The following NAPEPLD variants were observed in gnomAD, a reference collection of about 807,000 sequenced individuals.
NAPEPLD encodes N-acyl phosphatidylethanolamine phospholipase D.
NAPEPLD carries 23 observed loss-of-function variants against 38.1 expected under a neutral mutation model. The observed-to-expected ratio is 0.60, with a 90% CI of 0.43 to 0.86. The LOEUF is 0.86. NAPEPLD is among the 40% of genes least tolerant of loss of function. NAPEPLD has a pLI of 0.00. For missense variants in NAPEPLD, 411 were observed against 476.8 expected (o/e 0.86, Z 1.28); for synonymous variants, 147 against 162.0 (o/e 0.91, Z 0.71).
intron 2 of NAPEPLD, 120 bp downstream of exon 2, chr7:103,128,363 C>G: frequency 8.4e-7 from 1 of 1,191,470 alleles, no homozygotes; most frequent in Non-Finnish European, 1.2e-6. Context: ...GCCTAGGTTA[C>G]ACCTATCCAC....
chr7:103,103,286 TTACACAAAACATA>T lies in NAPEPLD; in HGVS notation c.*130_*142del. 1 of 1,031,764 alleles carries T rather than the reference TTACACAAAACATA, an allele frequency of 9.7e-7. No homozygotes were observed. 63.9% of individuals were successfully genotyped at this position (1,031,764 alleles called of 1,614,324 possible). A position where few individuals can be genotyped will look rare whatever the true frequency, so the allele number is the denominator to read the frequency against. ...GCTGATCATACTAGGAAGCAAGTTA[TTACACAAAACATA>T]AAACATAAACTTGCAGAAGTTGTTT... On this transcript the variant is annotated 3_prime_UTR_variant, in exon 5 of 5. Transcript: ENST00000465647.
intron 1 of NAPEPLD, among the ~76,000 whole-genome samples, chr7:103,143,831 A>G (rs1298574193): frequency 1.3e-5 from 2 of 152,212 alleles, no homozygotes; most frequent in Non-Finnish European, 1.5e-5. Context: ...AAAAACACCA[A>G]TGGTAACAAA....
chr7:103,106,427 T>A (rs912259369), intron 4 of NAPEPLD, among the ~76,000 whole-genome samples: 17 of 151,960 alleles, frequency 1.1e-4, no homozygotes, highest in African/African-American at 4.1e-4. Flanking sequence ...GAAAGGGGGC[T>A]GAAGCCATGG....
At chr7:103,131,694 A>G (rs973743106) in intron 1 of NAPEPLD, among the ~76,000 whole-genome samples, 2 of 151,990 alleles carry the variant, frequency 1.3e-5, no homozygotes, top group Admixed American at 6.6e-5. Flanking sequence ...AGGTTTGTGA[A>G]AGTCGAGACT....
At chr7:103,122,023 G>A (rs1024173044) in intron 2 of NAPEPLD, among the ~76,000 whole-genome samples, 3 of 151,782 alleles carry the variant, frequency 2.0e-5, no homozygotes, top group Admixed American at 1.3e-4. Context: ...GAGGGCAGGG[G>A]ACAAACTAAA....
chr7:103,121,516 C>G (rs185253307), intron 2 of NAPEPLD, among the ~76,000 whole-genome samples: 2 of 152,288 alleles, frequency 1.3e-5, no homozygotes, highest in Middle Eastern at 3.4e-3. Context: ...TCCAGAGCAC[C>G]TGGCTTTGTC....
intron 2 of NAPEPLD, among the ~76,000 whole-genome samples, chr7:103,126,463 T>A (rs1294954455): frequency 6.6e-6 from 1 of 152,198 alleles, no homozygotes; most frequent in African/African-American, 2.4e-5. Context: ...TGGCTAAAGT[T>A]AGGCTTGCTC....
chr7:103,103,435 G>T lies in NAPEPLD; in HGVS notation c.1176C>A (p.Asn392Lys). 3 of 1,557,652 alleles carry T rather than the reference G, an allele frequency of 1.9e-6. No homozygotes were observed. The highest frequency in any genetic ancestry group is 2.4e-5 in the East Asian group (1 of 42,140). The change falls in exon 5 of 5, where the codon AAC becomes AAA. Residue 392 changes from asparagine to lysine, a missense_variant. Transcript: ENST00000465647. ...GTGCCTGTGCTCACATTTATTAAAA[G>T]TTTTCATCATCATTATTTAGGTATC... Reference protein sequence around the residue: ...ESRYLNNDDENF With the variant: ...ESRYLNNDDEKF
At chr7:103,128,862 T>C (rs1405464046) in intron 1 of NAPEPLD, 70 bp from the exon 2 acceptor site, 2 of 1,454,352 alleles carry the variant, frequency 1.4e-6, no homozygotes, top group Non-Finnish European at 1.8e-6. Context: ...AAGGTACTAT[T>C]TGTTAGCCAA....
intron 1 of NAPEPLD, among the ~76,000 whole-genome samples, chr7:103,145,617 G>A (rs1039381599): frequency 6.6e-6 from 1 of 152,166 alleles, no homozygotes; most frequent in African/African-American, 2.4e-5. Context: ...TTCCCTCTAA[G>A]GTCCCTTCCA....
intron 2 of NAPEPLD, among the ~76,000 whole-genome samples, chr7:103,122,412 A>C (rs1331015986): frequency 1.3e-5 from 2 of 152,120 alleles, no homozygotes; most frequent in Non-Finnish European, 2.9e-5. Context: ...GACCTGAGCA[A>C]AGGATACACC....
chr7:103,120,309 G>T, intron 2 of NAPEPLD, 86 bp from the exon 3 acceptor site: 1 of 1,423,972 alleles, frequency 7.0e-7, no homozygotes, highest in Non-Finnish European at 9.4e-7. Context: ...CCTAAATAAT[G>T]GCAAGAAGAG....
chr7:103,122,873 A>G (rs537540123), intron 2 of NAPEPLD, among the ~76,000 whole-genome samples: 1 of 152,320 alleles, frequency 6.6e-6, no homozygotes, highest in South Asian at 2.1e-4. Flanking sequence ...CCACCTCAAA[A>G]ACAGCCAACT....
At chr7:103,138,813 T>C (rs1264669658) in intron 1 of NAPEPLD, among the ~76,000 whole-genome samples, 1 of 152,220 alleles carries the variant, frequency 6.6e-6, no homozygotes, top group Non-Finnish European at 1.5e-5. Flanking sequence ...TGAGACTCAC[T>C]TTCATTCATC....
At position 103,119,823 on chromosome 7, in the gene NAPEPLD, C is replaced by A. The variant is rs548509686; in HGVS notation, c.695G>T (p.Trp232Leu). The A allele has an allele frequency of 6.2e-7, 1 of 1,614,164 alleles. No homozygotes were observed. Among genetic ancestry groups the A allele is most frequent in the East Asian group, 2.2e-5 (1 of 44,880 alleles). Residue 232 changes from tryptophan to leucine, a missense_variant, in exon 3 of 5, where the codon TGG becomes TTG. Physicochemically the swap from Trp to Leu is moderately conservative, Grantham distance 61. Coordinates refer to ENST00000465647, the MANE Select transcript of NAPEPLD (RefSeq NM_001122838.3). ...TCCGGGGACACAATTCTCCTCCCAC[C>A]AGTCCAACTCAATCACATTCTCACA... ...CGCENVIELD[W>L]WEENCVPGHD...
intron 1 of NAPEPLD, 120 bp downstream of exon 1, chr7:103,148,691 G>A: frequency 1.9e-6 from 1 of 537,064 alleles, no homozygotes; most frequent in Non-Finnish European, 2.4e-6. Flanking sequence ...AAATAAAAGG[G>A]GAGAAACCTG....
At chr7:103,106,567 A>G (rs1189197130) in intron 4 of NAPEPLD, among the ~76,000 whole-genome samples, 1 of 152,102 alleles carries the variant, frequency 6.6e-6, no homozygotes, top group East Asian at 1.9e-4. Context: ...TGGTAGGGGG[A>G]GGGGCGTCCG....
At chr7:103,149,262 C>A (rs1254980352), upstream of NAPEPLD, 2 of 1,000,610 alleles carry the variant, frequency 2.0e-6, no homozygotes, top group Non-Finnish European at 2.4e-6. Context: ...GGTGCGAGCG[C>A]GGGGGTGCGG....
chr7:103,141,625 C>T, intron 1 of NAPEPLD: 1 of 895,800 alleles, frequency 1.1e-6, no homozygotes, highest in East Asian at 2.4e-5. Context: ...ATCTTCTGAG[C>T]AGCCGGTGCA....
Sources: gnomAD v4.1 joint callset for allele counts (sites outside exome capture counted in the v4.1 genomes callset) on GRCh38, gnomAD v4.1.1 for gene constraint, MANE v1.5 for transcripts, NCBI Gene and HGNC (gene_info 2026-07-23, HGNC 2026-07-21) for gene names.